The following RNF128 variants were observed in gnomAD, a reference collection of about 807,000 sequenced individuals.
RNF128 encodes the protein E3 ubiquitin-protein ligase RNF128.
A neutral mutation model predicts 26.2 loss-of-function variants in RNF128; 13 were observed. The ratio of observed to expected loss-of-function variants is 0.50; its 90% CI spans 0.32 to 0.79. The LOEUF (loss-of-function observed/expected upper bound fraction) is 0.79. Ranked by LOEUF, RNF128 falls within the 30% of genes least tolerant of loss-of-function variation. RNF128 has a pLI of 0.03. For missense variants in RNF128, 315 were observed against 349.7 expected (o/e 0.90, Z 0.79); for synonymous variants, 149 against 142.5 (o/e 1.05, Z -0.32).
At chrX:106,716,190 T>G (rs1353517716) in intron 1 of RNF128, among the ~76,000 whole-genome samples, 1 of 111,881 alleles carries the variant, frequency 8.9e-6, no homozygotes. Flanking sequence ...CCTACTTCCT[T>G]GAGTCAGAGG....
At position 106,788,500 on chromosome X, in the gene RNF128, AT is replaced by A. The variant is rs1295060824; in HGVS notation, c.887+501del. On this transcript the variant is annotated intron_variant, in intron 4 of 6. Transcript: ENST00000255499. The stretch of plus-strand genomic sequence containing the variant: ...GTAATTATATATTATAATTATAATT[AT>A]ATAATTATAATTATAATATATATAA... Among the ~76,000 whole-genome samples, 5 of 55,970 alleles carry A rather than the reference AT, an allele frequency of 8.9e-5. No homozygotes were observed. In the East Asian group the frequency reaches 2.4e-3, roughly 27 times the overall value. 48.6% of individuals were successfully genotyped at this position (55,970 alleles called of 115,157 possible). A position where few individuals can be genotyped will look rare whatever the true frequency, so the allele number is the denominator to read the frequency against.
upstream of RNF128, among the ~76,000 whole-genome samples, chrX:106,726,315 A>C (rs1239700534): frequency 9.0e-6 from 1 of 110,677 alleles, no homozygotes; most frequent in Non-Finnish European, 1.9e-5. Context: ...TTCCTTCCCT[A>C]CCCAAATTCC....
At chrX:106,700,012 T>A (rs1158399310) in intron 1 of RNF128, among the ~76,000 whole-genome samples, 3 of 106,990 alleles carry the variant, frequency 2.8e-5, no homozygotes, top group Non-Finnish European at 3.8e-5. Flanking sequence ...ATTTATTTTT[T>A]AAATTTATTT....
At chrX:106,792,125 A>C (rs73531123) in intron 6 of RNF128, among the ~76,000 whole-genome samples, 5 of 110,317 alleles carry the variant, frequency 4.5e-5, no homozygotes, top group African/African-American at 1.3e-4. Context: ...TGTATTTCTT[A>C]TATCTAATCT....
At position 106,727,342 on chromosome X, in the gene RNF128, C is replaced by T. The variant is rs750634375; in HGVS notation, c.429C>T (p.Ala143=). Residue 143 remains alanine, a synonymous_variant, in exon 1 of 7, where the codon GCC becomes GCT. Transcript: ENST00000255499. ...CTTATGAGAGAGGGGCGTCTGGAGC[C>T]GTCATCTTTAACTTCCCCGGGACCC... ...HLAYERGASG[A]VIFNFPGTRN... is the part of the protein sequence containing the mutation. 8 of 1,209,518 alleles carry T rather than the reference C, an allele frequency of 6.6e-6. No homozygotes were observed. Among genetic ancestry groups the T allele is most frequent in the African/African-American group, 5.3e-5 (3 of 57,036 alleles).
At chrX:106,710,762 A>T (rs1210493436) in intron 1 of RNF128, among the ~76,000 whole-genome samples, 1 of 108,730 alleles carries the variant, frequency 9.2e-6, no homozygotes, top group East Asian at 2.8e-4. Flanking sequence ...AAAAAAAAAA[A>T]AAAAAAAAAG....
chrX:106,766,861 G>A (rs1366829927), intron 1 of RNF128, among the ~76,000 whole-genome samples: 18 of 111,314 alleles, frequency 1.6e-4, no homozygotes, highest in Admixed American at 3.8e-4. Context: ...CTAATATTTA[G>A]GTCTTTAATC....
At chrX:106,767,328 G>C (rs754693002) in intron 1 of RNF128, among the ~76,000 whole-genome samples, 1 of 111,811 alleles carries the variant, frequency 8.9e-6, no homozygotes, top group African/African-American at 3.3e-5. Flanking sequence ...TCACAATATT[G>C]ATTCTTCCTA....
chrX:106,701,626 CAAATACAATTTTATT>C lies in RNF128; in HGVS notation c.406+7220_406+7234del. On this transcript the variant is annotated intron_variant, in intron 1 of 6. Transcript: ENST00000324342. ...AAAGGGACAATTTTGGGTTATTTTC[CAAATACAATTTTATT>C]AGTGCCCTGGATAAAACAATTGAAA... is the stretch of plus-strand genomic sequence containing the variant. Among the ~76,000 whole-genome samples, 6 of 111,043 alleles carry C rather than the reference CAAATACAATTTTATT, an allele frequency of 5.4e-5. No homozygotes were observed. In the East Asian group the frequency reaches 1.4e-3, roughly 26 times the overall value.
intron 1 of RNF128, among the ~76,000 whole-genome samples, chrX:106,741,898 G>A (rs1357202613): frequency 8.9e-6 from 1 of 112,165 alleles, no homozygotes; most frequent in Non-Finnish European, 1.9e-5. Context: ...GTAGTAGATA[G>A]TGTAAAAGCA....
chrX:106,756,361 A>T (rs1174812149), intron 1 of RNF128, among the ~76,000 whole-genome samples: 1 of 110,700 alleles, frequency 9.0e-6, no homozygotes, highest in Non-Finnish European at 1.9e-5. Context: ...AGTAACCAAA[A>T]CAGCATGGTA....
upstream of RNF128, among the ~76,000 whole-genome samples, chrX:106,723,274 A>C (rs919970874): frequency 6.3e-5 from 7 of 111,756 alleles, no homozygotes; most frequent in African/African-American, 2.3e-4. Flanking sequence ...CGTACGCTTT[A>C]ATATAATTTT....
At chrX:106,719,188 A>T (rs1929268915) in intron 1 of RNF128, among the ~76,000 whole-genome samples, 1 of 107,463 alleles carries the variant, frequency 9.3e-6, no homozygotes, top group Non-Finnish European at 1.9e-5. Flanking sequence ...AAAGAATCCC[A>T]TTGCCTGTAG....
At chrX:106,784,055 G>C (rs976895131) in intron 2 of RNF128, among the ~76,000 whole-genome samples, 1 of 111,456 alleles carries the variant, frequency 9.0e-6, no homozygotes, top group African/African-American at 3.3e-5. Context: ...TCTACCAAGT[G>C]TCATACTTAG....
In RNF128 at chrX:106,726,995, G is replaced by A. The variant is rs1296408466; in HGVS notation, c.82G>A (p.Ala28Thr). The A allele has an allele frequency of 1.8e-5, 22 of 1,203,940 alleles. No homozygotes were observed. In the East Asian group the frequency reaches 6.5e-4, roughly 36 times the overall value. The change falls in exon 1 of 7, where the codon GCC becomes ACC. Residue 28 changes from alanine to threonine, a missense_variant. Coordinates refer to ENST00000255499, the MANE Select transcript of RNF128 (RefSeq NM_194463.2). ...ATTGCTGGCATGGTGCTTCCTGCTG[G>A]CCCTGAGTCCGCAGGCACCCGGTTC... ...SRLLAWCFLL[A>T]LSPQAPGSRG...
chrX:106,779,838 G>T (rs916838048), intron 2 of RNF128, among the ~76,000 whole-genome samples: 8 of 111,090 alleles, frequency 7.2e-5, no homozygotes, highest in Admixed American at 2.9e-4. Flanking sequence ...AAATATTGTG[G>T]ATAGGTTTTT....
chrX:106,749,508 T>C (rs1323628934), intron 1 of RNF128, among the ~76,000 whole-genome samples: 1 of 112,203 alleles, frequency 8.9e-6, no homozygotes, highest in Non-Finnish European at 1.9e-5. Context: ...GAAGTTTGAT[T>C]GTTCTTCCTT....
chrX:106,787,796 A>T, intron 3 of RNF128, 122 bp from the exon 4 acceptor site: 1 of 429,363 alleles, frequency 2.3e-6, no homozygotes, highest in South Asian at 4.2e-5. Context: ...TCATTCAGTG[A>T]TATAATGCTC....
chrX:106,784,365 T>C (rs756601722), intron 2 of RNF128, among the ~76,000 whole-genome samples: 3 of 111,755 alleles, frequency 2.7e-5, no homozygotes. Flanking sequence ...GACTCAATTA[T>C]GCATAATGTT....
Sources: allele counts gnomAD v4.1 joint callset (sites outside exome capture counted in the v4.1 genomes callset), GRCh38; gene constraint gnomAD v4.1.1; transcripts MANE v1.5; gene names NCBI Gene and HGNC (gene_info 2026-07-23, HGNC 2026-07-21).